Variants in EDNRA observed in about 807,000 individuals in gnomAD.
EDNRA encodes endothelin receptor type A, also known as endothelin-1 receptor.
In EDNRA, 11 loss-of-function variants were observed where a neutral mutation model predicts 41.4. The ratio of observed to expected loss-of-function variants is 0.27; its 90% CI spans 0.17 to 0.44. The LOEUF is 0.44. EDNRA is among the 20% of genes least tolerant of loss of function. EDNRA has a pLI of 1.00. For missense variants in EDNRA, 294 were observed against 531.0 expected, an observed-to-expected ratio of 0.55 and a Z score of 4.39; for synonymous variants, 172 against 183.0, an observed-to-expected ratio of 0.94 and a Z score of 0.49.
rs765192973 is a variant in EDNRA, at chr4:147,536,040, T to C, written c.900+11T>C. The C allele has an allele frequency of 6.2e-7, 1 of 1,613,746 alleles. No homozygotes were observed. Among genetic ancestry groups the C allele is most frequent in the African/African-American group, 1.3e-5 (1 of 75,022 alleles). ...GAACATCTTAAGCAGGTAAATCCCA[T>C]AACATCATGAAAATCTGGCCAGGAC... On this transcript the variant is annotated intron_variant, in intron 5 of 7. Coordinates refer to ENST00000651419, the MANE Select transcript of EDNRA (RefSeq NM_001957.4).
chr4:147,520,561 T>C, intron 3 of EDNRA: 1 of 444,278 alleles, frequency 2.3e-6, no homozygotes, highest in Non-Finnish European at 4.5e-6. Flanking sequence ...AAAGAAGCCC[T>C]TCTGAATTCT....
chr4:147,528,063 G>A (rs1730613601), intron 3 of EDNRA, among the ~76,000 whole-genome samples: 1 of 152,186 alleles, frequency 6.6e-6, no homozygotes, highest in African/African-American at 2.4e-5. Flanking sequence ...TGTGCTATTA[G>A]CTTTAGCCAA....
chr4:147,485,176 A>ACTACTACTTAAAGGAAAAACTGACATAGC (rs11267091), intron 1 of EDNRA, among the ~76,000 whole-genome samples: 8,090 of 152,090 alleles, frequency 0.053, 265 homozygotes, highest in South Asian at 0.14. Flanking sequence ...GAAAGAAGTA[A>ACTACTACTTAAAGGAAAAACTGACATAGC]CTACTACTTA....
intron 7 of EDNRA, 99 bp from the exon 8 acceptor site, chr4:147,542,379 A>G: frequency 6.5e-7 from 1 of 1,530,974 alleles, no homozygotes; most frequent in Non-Finnish European, 8.8e-7. Context: ...TCGAATGCGA[A>G]TGGACATTTG....
At chr4:147,505,326 C>CTTTTTTTTTTTTTTTTTTTTTTTTTTTTT (rs1729660192) in intron 2 of EDNRA, among the ~76,000 whole-genome samples, 4 of 82,000 alleles carry the variant, frequency 4.9e-5, no homozygotes, top group African/African-American at 2.2e-4. Flanking sequence ...TTTCTTTTTT[C>CTTTTTTTTTTTTTTTTTTTTTTTTTTTTT]ATTTTTTTTT....
chr4:147,537,981 G>A (rs550441631), intron 5 of EDNRA, among the ~76,000 whole-genome samples: 1 of 152,066 alleles, frequency 6.6e-6, no homozygotes, highest in Non-Finnish European at 1.5e-5. Flanking sequence ...CTTCTTGCTT[G>A]GTTGTCTCTA....
At chr4:147,525,884 C>A (rs759434096) in intron 3 of EDNRA, among the ~76,000 whole-genome samples, 2 of 152,162 alleles carry the variant, frequency 1.3e-5, no homozygotes, top group Non-Finnish European at 2.9e-5. Context: ...GTTCTTGAAC[C>A]CATCATTTCA....
intron 2 of EDNRA, among the ~76,000 whole-genome samples, chr4:147,503,660 A>C (rs778200027): frequency 1.1e-4 from 17 of 152,216 alleles, no homozygotes; most frequent in Non-Finnish European, 2.4e-4. Context: ...AAGAAAATTA[A>C]ATATTAAAAA....
chr4:147,534,041 T>C (rs1730836448), intron 4 of EDNRA, among the ~76,000 whole-genome samples: 1 of 152,216 alleles, frequency 6.6e-6, no homozygotes, highest in South Asian at 2.1e-4. Flanking sequence ...AGACTGATGG[T>C]AGGCCCCTCT....
At chr4:147,487,118 G>C (rs888429854) in intron 2 of EDNRA, among the ~76,000 whole-genome samples, 1 of 152,096 alleles carries the variant, frequency 6.6e-6, no homozygotes, top group African/African-American at 2.4e-5. Flanking sequence ...CAAACCACCA[G>C]ATGTCTCGAG....
chr4:147,485,760 A>G lies in EDNRA; in HGVS notation c.79A>G (p.Ser27Gly). The G allele has an allele frequency of 6.2e-7, 1 of 1,614,236 alleles. No homozygotes were observed. Among genetic ancestry groups the G allele is most frequent in the Non-Finnish European group, 8.5e-7 (1 of 1,180,028 alleles). Reference protein sequence around the residue: ...CVISDNPERYSTNLSNHVDDF... With the variant: ...CVISDNPERYGTNLSNHVDDF... ...AATCAGTGATAATCCTGAGAGATAC[A>G]GCACAAATCTAAGCAATCATGTGGA... Residue 27 changes from serine (S) to glycine (G), a missense_variant, in exon 2 of 8, where the codon AGC becomes GGC. By Grantham distance (56) the Ser-to-Gly change is moderately conservative. This residue lies in a region of EDNRA where 90 missense variants were observed against 122.8 expected (regional missense o/e 0.73). Coordinates refer to ENST00000651419, the MANE Select transcript of EDNRA (RefSeq NM_001957.4).
intron 4 of EDNRA, among the ~76,000 whole-genome samples, chr4:147,535,218 C>G (rs1340432940): frequency 1.3e-5 from 2 of 152,074 alleles, no homozygotes; most frequent in African/African-American, 2.4e-5. Context: ...ATTTATAAAT[C>G]CTGCCCAGTT....
At chr4:147,509,679 C>T (rs546570791) in intron 2 of EDNRA, among the ~76,000 whole-genome samples, 1 of 152,104 alleles carries the variant, frequency 6.6e-6, no homozygotes, top group East Asian at 1.9e-4. Context: ...GAGTATGAAC[C>T]CTTTTGTGAA....
chr4:147,498,393 G>A (rs1211852020), intron 2 of EDNRA, among the ~76,000 whole-genome samples: 1 of 152,140 alleles, frequency 6.6e-6, no homozygotes, highest in Non-Finnish European at 1.5e-5. Flanking sequence ...TAAGGTGACC[G>A]TCCAGAGCCC....
At chr4:147,498,390 A>G (rs1485780756) in intron 2 of EDNRA, among the ~76,000 whole-genome samples, 1 of 152,170 alleles carries the variant, frequency 6.6e-6, no homozygotes, top group Non-Finnish European at 1.5e-5. Context: ...CACTAAGGTG[A>G]CCGTCCAGAG....
At chr4:147,532,801 T>C in intron 4 of EDNRA, 97 bp downstream of exon 4, 1 of 1,287,960 alleles carries the variant, frequency 7.8e-7, no homozygotes, top group Non-Finnish European at 1.1e-6. Context: ...CAATGTCAAG[T>C]GTGGTTTCTT....
At chr4:147,502,915 A>T (rs1333257155) in intron 2 of EDNRA, among the ~76,000 whole-genome samples, 1 of 152,082 alleles carries the variant, frequency 6.6e-6, no homozygotes, top group East Asian at 1.9e-4. Flanking sequence ...TTTTTCATTT[A>T]TTTAGTTTAT....
intron 1 of EDNRA, among the ~76,000 whole-genome samples, chr4:147,484,075 C>T (rs572998103): frequency 1.4e-4 from 21 of 152,008 alleles, no homozygotes; most frequent in Non-Finnish European, 2.6e-4. Context: ...ATCACAGACA[C>T]GTACACACAC....
At chr4:147,520,342 A>C (rs1217118509) in intron 3 of EDNRA, 1 of 513,274 alleles carries the variant, frequency 1.9e-6, no homozygotes, top group African/African-American at 1.9e-5. Context: ...ATACTGTTCA[A>C]TTATATCTGT....
Sources: gnomAD v4.1 joint callset for allele counts (sites outside exome capture counted in the v4.1 genomes callset) on GRCh38, gnomAD v4.1.1 for gene constraint, gnomAD v4.1.1 regional missense constraint, MANE v1.5 for transcripts, NCBI Gene and HGNC (gene_info 2026-07-23, HGNC 2026-07-21) for gene names.